ANKS1A: variants seen among roughly 807,000 people sequenced by gnomAD.
ANKS1A encodes ankyrin repeat and SAM domain-containing protein 1A.
Under a neutral mutation model 120.3 loss-of-function variants are expected in ANKS1A, and 55 were observed. The ratio of observed to expected loss-of-function variants is 0.46; its 90% CI spans 0.37 to 0.57. The LOEUF (loss-of-function observed/expected upper bound fraction) is 0.57, where lower values mean the gene tolerates loss of function less well. Ranked by LOEUF, ANKS1A falls within the 20% of genes least tolerant of loss-of-function variation. The pLI, the probability that ANKS1A is intolerant of heterozygous loss-of-function variation, is 0.00. For synonymous variants in ANKS1A, 590 were observed against 604.7 expected, an observed-to-expected ratio of 0.98 and a Z score of 0.36; for missense variants, 1,123 against 1,480.3, an observed-to-expected ratio of 0.76 and a Z score of 3.96.
Position 35,086,946 on chromosome 6 carries a change from T to G in ANKS1A, c.3304-6T>G, listed in dbSNP as rs532802145. The G allele has an allele frequency of 1.2e-6, 2 of 1,614,100 alleles. No individual in the cohort carries two copies. Among genetic ancestry groups the G allele is most frequent in the African/African-American group, 2.7e-5 (2 of 75,056 alleles). Reference sequence around the variant, plus strand: ...TCTGACTCTTGACTGCTTCCTTGTTTGGCAGCTGGAACCACCTGATATGGA... The same window carrying G: ...TCTGACTCTTGACTGCTTCCTTGTTGGGCAGCTGGAACCACCTGATATGGA... On this transcript the variant is annotated splice_polypyrimidine_tract_variant and splice_region_variant and intron_variant, in intron 22 of 23. Transcript: ENST00000360359. The surrounding 1 kb of genome is among the most constrained non-coding windows in gnomAD (Gnocchi z 5.1).
chr6:34,963,293 G>C (rs1219741312), intron 1 of ANKS1A, among the ~76,000 whole-genome samples: 2 of 152,084 alleles, frequency 1.3e-5, no homozygotes, highest in Non-Finnish European at 2.9e-5. Flanking sequence ...ACCCCCTCCA[G>C]CTCCTGGTAA....
intron 20 of ANKS1A, 52 bp downstream of exon 20, chr6:35,083,555 G>A: frequency 6.4e-7 from 1 of 1,573,730 alleles, no homozygotes; most frequent in Non-Finnish European, 8.7e-7. Flanking sequence ...ATCCCCGTCA[G>A]ACCCACAGGG....
At chr6:34,969,535 G>A (rs544942190) in intron 2 of ANKS1A, among the ~76,000 whole-genome samples, 5 of 152,330 alleles carry the variant, frequency 3.3e-5, no homozygotes, top group South Asian at 2.1e-4. Flanking sequence ...GATTACAGGC[G>A]TGAGCCACTC....
Position 35,058,549 on chromosome 6 carries a change from T to A in ANKS1A, c.2078-1598T>A, listed in dbSNP as rs946676072. On this transcript the variant is annotated intron_variant, in intron 12 of 23. Transcript: ENST00000360359. The surrounding 1 kb of genome is among the most constrained non-coding windows in gnomAD (Gnocchi z 5.1). ...TCTGCAGGAGACAGAGGAGAGGGAG[T>A]GGAGGCTGGCAGAGTTGGTCACCAG... 31 of 151,934 alleles carry A rather than the reference T, an allele frequency of 2.0e-4. No individual in the cohort carries two copies. The highest frequency in any genetic ancestry group is 1.4e-3 in the Admixed American group (21 of 15,242). The allele number at this position is 151,934 out of a possible 1,614,324, so 9.4% of individuals were successfully genotyped here.
rs1224988356 is a variant in ANKS1A, at chr6:35,082,850, C to T, written c.2835+34C>T. On this transcript the variant is annotated intron_variant, in intron 18 of 23. Transcript: ENST00000360359. The surrounding 1 kb of genome is among the most constrained non-coding windows in gnomAD (Gnocchi z 4.1). Reference sequence around the variant, plus strand: ...CTCCCACCCTCCCAGCAGGGCCGGCCTCCCTGCTCCTTCTCGGCCAGGCAC... The same window carrying T: ...CTCCCACCCTCCCAGCAGGGCCGGCTTCCCTGCTCCTTCTCGGCCAGGCAC... The T allele has an allele frequency of 3.8e-6, 6 of 1,591,706 alleles. No individual in the cohort carries two copies. Among genetic ancestry groups the T allele is most frequent in the Non-Finnish European group, 5.1e-6 (6 of 1,169,190 alleles).
intron 1 of ANKS1A, among the ~76,000 whole-genome samples, chr6:34,964,905 A>G (rs1357095571): frequency 6.6e-6 from 1 of 152,214 alleles, no homozygotes; most frequent in Non-Finnish European, 1.5e-5. Context: ...TAATATCATT[A>G]TGTTCATTTT....
At chr6:34,981,474 CT>C (rs904145669) in intron 3 of ANKS1A, among the ~76,000 whole-genome samples, 16 of 152,238 alleles carry the variant, frequency 1.1e-4, no homozygotes, top group African/African-American at 3.9e-4. Context: ...TAAGAGATGA[CT>C]TCTCCCCTCT....
chr6:34,955,381 T>C (rs1581744655), intron 1 of ANKS1A, among the ~76,000 whole-genome samples: 1 of 152,058 alleles, frequency 6.6e-6, no homozygotes, highest in South Asian at 2.1e-4. Context: ...AGGTGATCCG[T>C]CCACCTCAGC....
intron 1 of ANKS1A, among the ~76,000 whole-genome samples, chr6:34,946,597 A>G (rs199688858): frequency 6.7e-6 from 1 of 149,592 alleles, no homozygotes; most frequent in African/African-American, 2.5e-5. Context: ...TGAAAAAAAA[A>G]AAAGGGGGGG....
rs146735379 is a variant in ANKS1A at position 34,991,396 on chromosome 6, G to A, written c.1302+2080G>A. 5.3e-5 allele frequency among the ~76,000 whole-genome samples: 8 copies of A among 152,088 alleles called. No homozygotes were observed. In the East Asian group the frequency reaches 1.5e-3, roughly 29 times the overall value. ...TCAGATATGCTAAATATTCATGGAA[G>A]TTGCAGCTGCTGGAGTATCTCTTCC... is the stretch of plus-strand genomic sequence containing the variant. On this transcript the variant is annotated intron_variant, in intron 9 of 23. Coordinates refer to ENST00000360359, the MANE Select transcript of ANKS1A (RefSeq NM_015245.3).
intron 11 of ANKS1A, among the ~76,000 whole-genome samples, chr6:35,032,388 G>A (rs61226080): frequency 2.6e-5 from 4 of 152,326 alleles, no homozygotes; most frequent in East Asian, 1.9e-4. Context: ...AGCTCTTTCC[G>A]CAGGCACTAC....
chr6:34,996,548 C>T (rs1291572800), intron 10 of ANKS1A, among the ~76,000 whole-genome samples: 1 of 151,880 alleles, frequency 6.6e-6, no homozygotes, highest in African/African-American at 2.4e-5. Flanking sequence ...TCTCAGCTCA[C>T]TGCAACCTCC....
chr6:34,961,831 C>T (rs1266933005), intron 1 of ANKS1A, among the ~76,000 whole-genome samples: 2 of 152,154 alleles, frequency 1.3e-5, no homozygotes, highest in African/African-American at 2.4e-5. Flanking sequence ...TTCTAGTCAT[C>T]GCGTTGCTGC....
intron 11 of ANKS1A, among the ~76,000 whole-genome samples, chr6:35,043,753 CTT>C (rs1263549339): frequency 6.6e-6 from 1 of 152,194 alleles, no homozygotes; most frequent in Non-Finnish European, 1.5e-5. Flanking sequence ...TGGGCCCTTT[CTT>C]CCAATGTAGA....
At position 34,982,860 on chromosome 6, in the gene ANKS1A, C is replaced by A. The variant is rs768959634; in HGVS notation, c.808+33C>A. On this transcript the variant is annotated intron_variant, in intron 5 of 23. Transcript: ENST00000360359. The surrounding 1 kb of genome is among the most constrained non-coding windows in gnomAD (Gnocchi z 4.9). ...GTCGGCAGCGCTCTTGTCTACACAGCGTGCCAGGGTTGGGATTGTTTCTCC... is the reference window on the plus strand; with the variant it reads ...GTCGGCAGCGCTCTTGTCTACACAGAGTGCCAGGGTTGGGATTGTTTCTCC... 2.5e-6 allele frequency: 4 copies of A among 1,613,636 alleles called. No individual in the cohort carries two copies. The South Asian group carries it at 4.4e-5, about 18-fold the overall frequency.
chr6:34,986,676 G>T (rs910366156), intron 8 of ANKS1A, among the ~76,000 whole-genome samples: 9 of 152,186 alleles, frequency 5.9e-5, no homozygotes, highest in African/African-American at 2.2e-4. Context: ...GCTGTGCCCT[G>T]CTATGCCCTG....
In ANKS1A at chr6:35,079,658, A is replaced by G; in HGVS notation, c.2426A>G (p.Glu809Gly). ...IDTVKNLWEL[E>G]LVNVLKVQLL... ...ACCGTGAAGAACCTCTGGGAGCTAG[A>G]GCTCGTCAATGTGAGTAGTCCCTGC... Residue 809 changes from glutamate (E) to glycine (G), a missense_variant, in exon 15 of 24, where the codon GAG (glutamate) becomes GGG (glycine). This residue lies in a region of ANKS1A where 904 missense variants were observed against 1,130.4 expected (regional missense o/e 0.80). Coordinates refer to ENST00000360359, the MANE Select transcript of ANKS1A (RefSeq NM_015245.3). 1 of 1,614,096 alleles carries G rather than the reference A, an allele frequency of 6.2e-7. No individual in the cohort carries two copies. The highest frequency in any genetic ancestry group is 8.5e-7 in the Non-Finnish European group (1 of 1,180,010).
intron 16 of ANKS1A, 74 bp downstream of exon 16, chr6:35,080,002 G>T (rs1319719471): frequency 4.1e-6 from 6 of 1,476,950 alleles, no homozygotes; most frequent in South Asian, 1.2e-5. Flanking sequence ...AATTCTTTAG[G>T]ATTCTTCAGA....
At chr6:35,096,568 T>C in the ANKS1A span, among the ~76,000 whole-genome samples, 1 of 152,242 alleles carries the variant, frequency 6.6e-6, no homozygotes, top group African/African-American at 2.4e-5. Context: ...CCTTTTCCTT[T>C]GCTGATTTCT....
Sources: gnomAD v4.1 joint callset for allele counts (sites outside exome capture counted in the v4.1 genomes callset) on GRCh38, gnomAD v4.1.1 for gene constraint, gnomAD v4.1.1 regional missense constraint, Gnocchi (gnomAD v3.1) non-coding constraint, MANE v1.5 for transcripts, NCBI Gene and HGNC (gene_info 2026-07-23, HGNC 2026-07-21) for gene names.